The following PLEKHA4 variants were observed in gnomAD, a reference collection of about 807,000 sequenced individuals.
PLEKHA4 encodes pleckstrin homology domain-containing family A member 4.
PLEKHA4 carries 73 observed loss-of-function variants against 94.7 expected under a neutral mutation model. The ratio of observed to expected loss-of-function variants is 0.77; its 90% confidence interval spans 0.64 to 0.94. The LOEUF is 0.94. PLEKHA4 is among the 40% of genes least tolerant of loss of function. PLEKHA4 has a pLI of 0.00. For synonymous variants in PLEKHA4, 449 were observed against 437.1 expected, an observed-to-expected ratio of 1.03 and a Z score of -0.34; for missense variants, 1,049 against 1,054.1, an observed-to-expected ratio of 1.00 and a Z score of 0.07.
chr19:48,860,282 G>C, intron 6 of PLEKHA4, 68 bp downstream of exon 6: 1 of 1,361,248 alleles, frequency 7.3e-7, no homozygotes, highest in Non-Finnish European at 1.0e-6. Context: ...GCCCCAAAGG[G>C]GAGGAGTTGG....
At chr19:48,839,796 C>A (rs977967148) in intron 17 of PLEKHA4, among the ~76,000 whole-genome samples, 2 of 151,922 alleles carry the variant, frequency 1.3e-5, no homozygotes, top group African/African-American at 2.4e-5. Flanking sequence ...TTGTCTAAAT[C>A]CTTTCTATAA....
Position 48,857,434 on chromosome 19 carries a change from G to A in PLEKHA4, c.1035C>T (p.Ser345=). Residue 345 remains serine, a synonymous_variant, in exon 9 of 20, where the codon TCC becomes TCT. Transcript: ENST00000263265. ...LPPRPPGTRA[S]MVLLPGPPLE... ...CCAGGATACCTACCAATAAAACCAT[G>A]GAGGCCCGGGTCCCAGGGGGCCGCG... 1 of 1,543,624 alleles carries A rather than the reference G, an allele frequency of 6.5e-7. No homozygotes were observed. Among genetic ancestry groups the A allele is most frequent in the Non-Finnish European group, 8.7e-7 (1 of 1,145,852 alleles).
rs1249445761 is a variant in PLEKHA4, at chr19:48,867,929, C to T, written c.-7+154G>A. On this transcript the variant is annotated intron_variant, in intron 1 of 19. Transcript: ENST00000263265. This position sits in a 1 kb window ranked among gnomAD's most constrained non-coding sequence, Gnocchi z 4.7. ...GACCCTCTCTGTGCTTAGGGACTCC[C>T]CATTCCCTGCCTCCTTCCGGCTGCC... 2.6e-5 allele frequency among the ~76,000 whole-genome samples: 4 copies of T among 152,112 alleles called. No individual in the cohort carries two copies. Among genetic ancestry groups the T allele is most frequent in the Non-Finnish European group, 5.9e-5 (4 of 68,004 alleles).
intron 16 of PLEKHA4, among the ~76,000 whole-genome samples, chr19:48,843,781 C>T (rs529615297): frequency 2.5e-4 from 38 of 152,178 alleles, no homozygotes; most frequent in Middle Eastern, 3.4e-3. Flanking sequence ...TCTCAGCCTC[C>T]TAAGTAGCTG....
chr19:48,856,262 G>C lies in PLEKHA4; in HGVS notation c.1047+1160C>G, dbSNP rs1335245493. ...GGAAAGAACGAGGAGGGGAGGGGAA[G>C]GGGAAGGGGAAGGGGGAAAGAAAGA... is the stretch of plus-strand genomic sequence containing the variant. On this transcript the variant is annotated intron_variant, in intron 9 of 19. Coordinates refer to ENST00000263265, the MANE Select transcript of PLEKHA4 (RefSeq NM_020904.3). Among the ~76,000 whole-genome samples the C allele has an allele frequency of 4.0e-5, 6 of 151,180 alleles. No homozygotes were observed. In the East Asian group the frequency reaches 1.2e-3, roughly 30 times the overall value.
At position 48,859,704 on chromosome 19, in the gene PLEKHA4, A is replaced by G; in HGVS notation, c.477-20T>C. The G allele has an allele frequency of 6.3e-7, 1 of 1,599,904 alleles. No individual in the cohort carries two copies. Among genetic ancestry groups the G allele is most frequent in the Non-Finnish European group, 8.5e-7 (1 of 1,171,812 alleles). On this transcript the variant is annotated intron_variant, in intron 6 of 19. Transcript: ENST00000263265. ...TGCCCACTAGCGAGTGGACATAGAC[A>G]AGATATCACTCCTTCGAACTTCATA...
At chr19:48,851,735 A>C (rs2123024878) in intron 13 of PLEKHA4, among the ~76,000 whole-genome samples, 1 of 152,122 alleles carries the variant, frequency 6.6e-6, no homozygotes, top group Non-Finnish European at 1.5e-5. Flanking sequence ...CAGGCAGATC[A>C]CTTGAGGTCA....
At chr19:48,855,298 A>G (rs964145156) in intron 9 of PLEKHA4, among the ~76,000 whole-genome samples, 2 of 150,588 alleles carry the variant, frequency 1.3e-5, no homozygotes, top group African/African-American at 2.5e-5. Flanking sequence ...TGTGTCTGCA[A>G]AAAAAATAAA....
chr19:48,842,152 T>C (rs1230147862), intron 16 of PLEKHA4, among the ~76,000 whole-genome samples: 2 of 149,146 alleles, frequency 1.3e-5, no homozygotes, highest in Non-Finnish European at 3.0e-5. Flanking sequence ...TCTTTTTTTT[T>C]TTTTTTTTTT....
chr19:48,863,597 AT>A (rs1234542582), intron 3 of PLEKHA4, among the ~76,000 whole-genome samples: 468 of 144,028 alleles, frequency 3.2e-3, no homozygotes, highest in Middle Eastern at 7.2e-3. Flanking sequence ...CGCCCGGCTA[AT>A]TTTTTTTTTT....
chr19:48,844,717 A>G (rs1239779954), intron 16 of PLEKHA4: 17 of 835,458 alleles, frequency 2.0e-5, no homozygotes, highest in Non-Finnish European at 2.2e-5. Context: ...AAGTCAACCA[A>G]TTCCTAAACA....
intron 9 of PLEKHA4, among the ~76,000 whole-genome samples, chr19:48,857,221 C>T (rs1290122301): frequency 6.6e-6 from 1 of 152,122 alleles, no homozygotes; most frequent in African/African-American, 2.4e-5. Flanking sequence ...GGCCTCTGGC[C>T]TCCAGAACCG....
chr19:48,838,115 G>A lies in PLEKHA4; in HGVS notation c.1979C>T (p.Thr660Ile). Reference sequence around the variant, plus strand: ...ACCTTCGGAAGTCGGCAAGTAAGGGGTGGTGTTCCTTGGACTAGAAAAAAA... The same window carrying A: ...ACCTTCGGAAGTCGGCAAGTAAGGGATGGTGTTCCTTGGACTAGAAAAAAA... Reference protein sequence around the residue: ...SGSWSSPRNTTPYLPTSEGHR... With the variant: ...SGSWSSPRNTIPYLPTSEGHR... The change falls in exon 19 of 20, where the codon ACC (threonine) becomes ATC (isoleucine). Residue 660 changes from threonine to isoleucine, a missense_variant. Thr to Ile is a moderately conservative substitution (Grantham distance 89). Transcript: ENST00000263265. The A allele has an allele frequency of 6.2e-7, 1 of 1,610,398 alleles. No homozygotes were observed. Among genetic ancestry groups the A allele is most frequent in the Non-Finnish European group, 8.5e-7 (1 of 1,177,804 alleles).
intron 16 of PLEKHA4, among the ~76,000 whole-genome samples, chr19:48,843,468 C>A (rs892741495): frequency 6.6e-6 from 1 of 150,802 alleles, no homozygotes; most frequent in Non-Finnish European, 1.5e-5. Flanking sequence ...CGTTAGCCAC[C>A]GCACGCGGTC....
chr19:48,843,198 G>A (rs1217927770), intron 16 of PLEKHA4, among the ~76,000 whole-genome samples: 1 of 145,128 alleles, frequency 6.9e-6, no homozygotes, highest in South Asian at 2.3e-4. Context: ...TTATTTTTGA[G>A]ATGGAGTTTC....
At chr19:48,864,529 T>C (rs1363374292) in intron 3 of PLEKHA4, among the ~76,000 whole-genome samples, 1 of 152,036 alleles carries the variant, frequency 6.6e-6, no homozygotes, top group Non-Finnish European at 1.5e-5. Flanking sequence ...AGTTCTCCTC[T>C]CTCAGCCACG....
At chr19:48,851,531 G>A (rs565865020) in intron 13 of PLEKHA4, among the ~76,000 whole-genome samples, 21 of 151,774 alleles carry the variant, frequency 1.4e-4, no homozygotes, top group African/African-American at 5.1e-4. Context: ...TGGGTGAATC[G>A]CTTGAGCCCG....
At chr19:48,851,112 G>A (rs1037839859) in intron 13 of PLEKHA4, among the ~76,000 whole-genome samples, 5 of 152,128 alleles carry the variant, frequency 3.3e-5, no homozygotes, top group African/African-American at 1.2e-4. Context: ...CTGCACTCCA[G>A]CCTGGGCAAT....
At chr19:48,860,328 C>A in intron 6 of PLEKHA4, 22 bp downstream of exon 6, 2 of 1,593,216 alleles carry the variant, frequency 1.3e-6, no homozygotes, top group Non-Finnish European at 1.7e-6. Context: ...GGGTCAGGAG[C>A]ATGGCTTGGA....
Sources: gnomAD v4.1 joint callset for allele counts (sites outside exome capture counted in the v4.1 genomes callset) on GRCh38, gnomAD v4.1.1 for gene constraint, Gnocchi (gnomAD v3.1) non-coding constraint, MANE v1.5 for transcripts, NCBI Gene and HGNC (gene_info 2026-07-23, HGNC 2026-07-21) for gene names.